The following PARP4 variants were observed in gnomAD, a reference collection of about 807,000 sequenced individuals.
PARP4 encodes poly(ADP-ribose) polymerase family member 4.
In PARP4, 120 loss-of-function variants were observed where a neutral mutation model predicts 187.7. The observed-to-expected ratio is 0.64, with a 90% confidence interval of 0.55 to 0.74. The LOEUF (loss-of-function observed/expected upper bound fraction) is 0.74. PARP4 is among the 30% of genes least tolerant of loss of function. PARP4 has a pLI of 0.00. For synonymous variants in PARP4, 654 were observed against 740.9 expected, an observed-to-expected ratio of 0.88 and a Z score of 1.90; for missense variants, 1,836 against 2,070.5, an observed-to-expected ratio of 0.89 and a Z score of 2.20.
chr13:24,436,821 A>AATAT (rs1486318628), intron 30 of PARP4, among the ~76,000 whole-genome samples: 5 of 152,214 alleles, frequency 3.3e-5, no homozygotes, highest in African/African-American at 1.2e-4. Context: ...TTTACCTGTG[A>AATAT]ATATGAATGA....
chr13:24,449,872 A>G, intron 24 of PARP4, 55 bp from the exon 25 acceptor site: 2 of 1,087,546 alleles, frequency 1.8e-6, no homozygotes, highest in Non-Finnish European at 2.8e-6. Context: ...TTTTTGAAGT[A>G]CATGTTAACA....
chr13:24,451,756 G>A (rs1340422106), intron 24 of PARP4, among the ~76,000 whole-genome samples: 1 of 152,158 alleles, frequency 6.6e-6, no homozygotes, highest in African/African-American at 2.4e-5. Flanking sequence ...CCCTCTGTTC[G>A]ATGTTTTCCT....
At chr13:24,506,252 C>T (rs1238758197) in intron 1 of PARP4, among the ~76,000 whole-genome samples, 1 of 152,194 alleles carries the variant, frequency 6.6e-6, no homozygotes, top group African/African-American at 2.4e-5. Context: ...GAGTTGTTTA[C>T]TCCTACCGGT....
chr13:24,486,940 C>T (rs756527875), intron 10 of PARP4, among the ~76,000 whole-genome samples: 45 of 151,302 alleles, frequency 3.0e-4, no homozygotes, highest in African/African-American at 6.1e-4. Flanking sequence ...CCAGACTGGG[C>T]GACAGAACGA....
rs369983443 is a variant in PARP4 at position 24,435,492 on chromosome 13, T to G, written c.3667-18A>C. The stretch of plus-strand genomic sequence containing the variant: ...AAAAGAGACTGCCCAGAAGACAGAA[T>G]TATTAACGTAAGGGGAAAACACAGA... On this transcript the variant is annotated intron_variant, in intron 30 of 33. Transcript: ENST00000381989. The G allele has an allele frequency of 1.4e-5, 22 of 1,550,528 alleles. No homozygotes were observed. The Admixed American group carries it at 4.0e-4, about 28-fold the overall frequency.
In PARP4 at chr13:24,493,590, A is replaced by C. The variant is rs201703508; in HGVS notation, c.879+6T>G. ...CACATTCTGTTTCAGCGACACACCA[A>C]CTTACATCGTTGAGGCTAATCCTGT... On this transcript the variant is annotated splice_donor_region_variant and intron_variant, in intron 8 of 33. Coordinates refer to ENST00000381989, the MANE Select transcript of PARP4 (RefSeq NM_006437.4). 943 of 1,598,002 alleles carry C rather than the reference A, an allele frequency of 5.9e-4. 1 individual carries two copies. Among genetic ancestry groups the C allele is most frequent in the Non-Finnish European group, 7.4e-4 (866 of 1,175,844 alleles).
chr13:24,449,293 C>A (rs1229638796), intron 25 of PARP4, among the ~76,000 whole-genome samples: 1 of 146,596 alleles, frequency 6.8e-6, no homozygotes, highest in Non-Finnish European at 1.5e-5. Flanking sequence ...GAGGCTGAGG[C>A]AGAAGAATGG....
At chr13:24,449,113 G>A (rs1170169240) in intron 25 of PARP4, among the ~76,000 whole-genome samples, 1 of 152,164 alleles carries the variant, frequency 6.6e-6, no homozygotes, top group Non-Finnish European at 1.5e-5. Context: ...AAATGGCCAG[G>A]CGCGGTGGCT....
At chr13:24,453,765 T>C (rs1593607702) in intron 22 of PARP4, 111 bp from the exon 23 acceptor site, 2 of 677,248 alleles carry the variant, frequency 3.0e-6, no homozygotes, top group Non-Finnish European at 5.3e-6. Context: ...GGATATTATA[T>C]ATTTATGTGT....
intron 9 of PARP4, among the ~76,000 whole-genome samples, chr13:24,491,114 T>C (rs563833980): frequency 1.3e-5 from 2 of 151,844 alleles, no homozygotes; most frequent in South Asian, 4.2e-4. Flanking sequence ...GCAACACTCA[T>C]GACTGACATT....
intron 10 of PARP4, among the ~76,000 whole-genome samples, chr13:24,488,594 T>C (rs1466100566): frequency 1.3e-5 from 2 of 152,156 alleles, no homozygotes; most frequent in African/African-American, 4.8e-5. Context: ...CCTCAAGTGA[T>C]CTGCCCACCT....
intron 22 of PARP4, 80 bp from the exon 23 acceptor site, chr13:24,453,734 T>C (rs1295258618): frequency 2.5e-6 from 2 of 796,196 alleles, no homozygotes; most frequent in African/African-American, 3.4e-5. Context: ...TGTTATTTCA[T>C]ACCATCACGG....
chr13:24,474,514 C>T (rs946292898), intron 15 of PARP4, among the ~76,000 whole-genome samples: 11 of 151,064 alleles, frequency 7.3e-5, no homozygotes, highest in Non-Finnish European at 1.3e-4. Flanking sequence ...AGCCCGGCCC[C>T]CTTGCCTTGA....
chr13:24,470,353 C>T (rs1328159368), intron 15 of PARP4, among the ~76,000 whole-genome samples: 1 of 152,114 alleles, frequency 6.6e-6, no homozygotes, highest in African/African-American at 2.4e-5. Context: ...GGCTTTGATG[C>T]CTCCTTCGTG....
intron 27 of PARP4, among the ~76,000 whole-genome samples, chr13:24,444,711 G>A (rs1871123631): frequency 6.6e-6 from 1 of 152,094 alleles, no homozygotes; most frequent in African/African-American, 2.4e-5. Flanking sequence ...AGACTTCTTT[G>A]GCATATTTTG....
At chr13:24,509,848 C>T (rs1377834920) in intron 1 of PARP4, among the ~76,000 whole-genome samples, 1 of 151,912 alleles carries the variant, frequency 6.6e-6, no homozygotes, top group Non-Finnish European at 1.5e-5. Flanking sequence ...TACAGGCACG[C>T]ACCACCACGC....
At chr13:24,466,521 G>T (rs376965370) in intron 17 of PARP4, among the ~76,000 whole-genome samples, 1 of 152,056 alleles carries the variant, frequency 6.6e-6, no homozygotes, top group Non-Finnish European at 1.5e-5. Context: ...CTGGCTGGGC[G>T]CAGTGGCTCA....
chr13:24,441,064 G>T (rs4769356), intron 30 of PARP4, among the ~76,000 whole-genome samples: 51,186 of 151,726 alleles, frequency 0.34, 8,772 homozygotes, highest in Middle Eastern at 0.38. Context: ...GTAGCGACAG[G>T]GTTTCACCAT....
At chr13:24,485,400 T>C (rs1873499574) in intron 11 of PARP4, among the ~76,000 whole-genome samples, 2 of 152,246 alleles carry the variant, frequency 1.3e-5, no homozygotes, top group African/African-American at 4.8e-5. Context: ...TTTATCATGA[T>C]TGCACTAAAT....
Sources: allele counts gnomAD v4.1 joint callset (sites outside exome capture counted in the v4.1 genomes callset), GRCh38; gene constraint gnomAD v4.1.1; transcripts MANE v1.5; gene names NCBI Gene and HGNC (gene_info 2026-07-23, HGNC 2026-07-21).